Variants in ANK3 observed in about 807,000 individuals in gnomAD.
The protein encoded by ANK3 is ankyrin-3.
A neutral mutation model predicts 370.9 loss-of-function variants in ANK3; 57 were observed. That is an observed-to-expected ratio of 0.15 (90% CI 0.12 to 0.19). ANK3 has a LOEUF of 0.19. ANK3 is among the 10% of genes least tolerant of loss of function. ANK3 has a pLI of 1.00. For missense variants in ANK3, 4,439 were observed against 5,302.1 expected (o/e 0.84, Z 5.06); for synonymous variants, 1,929 against 1,946.3 (o/e 0.99, Z 0.23).
At chr10:60,305,933 T>C (rs1436239400) in intron 1 of ANK3, among the ~76,000 whole-genome samples, 2 of 152,216 alleles carry the variant, frequency 1.3e-5, no homozygotes, top group African/African-American at 4.8e-5. Flanking sequence ...ATTTTCCATC[T>C]CATTTGATGA....
chr10:60,499,815 A>G (rs1413769441), intron 2 of ANK3, among the ~76,000 whole-genome samples: 2 of 152,244 alleles, frequency 1.3e-5, no homozygotes, highest in Admixed American at 6.5e-5. Context: ...AGAGTGTTGT[A>G]TAATTTACTA....
chr10:60,354,543 C>T (rs1034109590), intron 1 of ANK3, among the ~76,000 whole-genome samples: 2 of 152,066 alleles, frequency 1.3e-5, no homozygotes, highest in African/African-American at 2.4e-5. Flanking sequence ...ATAACCAAAC[C>T]AGTGTTGTTT....
At chr10:60,395,596 CTT>C (rs1330591385) in intron 2 of ANK3, among the ~76,000 whole-genome samples, 1 of 123,858 alleles carries the variant, frequency 8.1e-6, no homozygotes, top group Non-Finnish European at 1.6e-5. Flanking sequence ...TTCTTTCTTT[CTT>C]TCTTTCTTTC....
At chr10:60,338,071 T>C (rs756956121) in intron 1 of ANK3, among the ~76,000 whole-genome samples, 7 of 152,318 alleles carry the variant, frequency 4.6e-5, no homozygotes, top group South Asian at 4.1e-4. Flanking sequence ...CTGAGAAAGA[T>C]GTACCTGTGT....
chr10:60,487,190 A>T (rs2075371502), intron 2 of ANK3, among the ~76,000 whole-genome samples: 1 of 152,248 alleles, frequency 6.6e-6, no homozygotes, highest in Non-Finnish European at 1.5e-5. Context: ...TCTGTATTTT[A>T]TTAATCCTGC....
intron 2 of ANK3, among the ~76,000 whole-genome samples, chr10:60,477,266 GA>G (rs754994536): frequency 6.6e-6 from 1 of 151,982 alleles, no homozygotes; most frequent in Non-Finnish European, 1.5e-5. Context: ...AGCGTAAGGG[GA>G]ATGGCCAATT....
At chr10:60,078,505 T>C (rs2084338019) in intron 36 of ANK3, among the ~76,000 whole-genome samples, 1 of 152,210 alleles carries the variant, frequency 6.6e-6, no homozygotes, top group African/African-American at 2.4e-5. Flanking sequence ...AAAGCATCTA[T>C]CCTTTACCAC....
intron 2 of ANK3, among the ~76,000 whole-genome samples, chr10:60,397,559 C>T (rs2063268069): frequency 6.6e-6 from 1 of 152,112 alleles, no homozygotes; most frequent in Non-Finnish European, 1.5e-5. Flanking sequence ...GTTGGGGAGA[C>T]AGTAACACAG....
intron 1 of ANK3, among the ~76,000 whole-genome samples, chr10:60,720,738 G>C (rs547663467): frequency 6.6e-6 from 1 of 152,210 alleles, no homozygotes; most frequent in African/African-American, 2.4e-5. Context: ...TCAGCCTCCT[G>C]AGTAGCAGGG....
At chr10:60,451,157 A>G (rs2064590719) in intron 2 of ANK3, among the ~76,000 whole-genome samples, 1 of 152,206 alleles carries the variant, frequency 6.6e-6, no homozygotes, top group African/African-American at 2.4e-5. Context: ...ATCCCCAGCC[A>G]CGCCGGAAGC....
At chr10:60,391,966 T>A (rs1243902373), upstream of ANK3, among the ~76,000 whole-genome samples, 1 of 152,222 alleles carries the variant, frequency 6.6e-6, no homozygotes, top group African/African-American at 2.4e-5. Flanking sequence ...CTTGCTCAGA[T>A]TACTTTTTTA....
At chr10:60,677,320 G>T (rs527696960) in intron 1 of ANK3, among the ~76,000 whole-genome samples, 1 of 152,208 alleles carries the variant, frequency 6.6e-6, no homozygotes, top group South Asian at 2.1e-4. Flanking sequence ...ACAAGAAAAA[G>T]AACTATATGT....
intron 2 of ANK3, among the ~76,000 whole-genome samples, chr10:60,580,731 A>G (rs1268810767): frequency 6.6e-6 from 1 of 152,246 alleles, no homozygotes; most frequent in African/African-American, 2.4e-5. Context: ...TTTGACTTAC[A>G]AACTAAAGAT....
At chr10:60,721,810 T>C (rs1214303649) in intron 1 of ANK3, among the ~76,000 whole-genome samples, 1 of 152,182 alleles carries the variant, frequency 6.6e-6, no homozygotes, top group Non-Finnish European at 1.5e-5. Flanking sequence ...ATTAGTTTAG[T>C]GGAGGTTCTG....
intron 18 of ANK3, among the ~76,000 whole-genome samples, chr10:60,175,552 G>A (rs2132322993): frequency 6.6e-6 from 1 of 152,316 alleles, no homozygotes; most frequent in South Asian, 2.1e-4. Flanking sequence ...AAGCTGATTA[G>A]GTTTTTCCTT....
Position 60,114,297 on chromosome 10 carries a change from G to A in ANK3, c.2876C>T (p.Ser959Phe), listed in dbSNP as rs763151936. The stretch of plus-strand genomic sequence containing the variant: ...TGCAGCCCAGCTGTAATGTCTAAGA[G>A]AATCTGAATCAAATTCCCTTGTGAA... ...LTFTREFDSDSLRHYSWAADT... is the reference protein window; with the variant it reads ...LTFTREFDSDFLRHYSWAADT... Residue 959 changes from serine (S) to phenylalanine (F), a missense_variant, in exon 26 of 44, where the codon TCT becomes TTT. Around this residue, in one of 13 missense-constraint regions of ANK3, gnomAD observed 702 missense variants for 941.5 expected, o/e 0.75. Transcript: ENST00000280772. The A allele has an allele frequency of 6.2e-7, 1 of 1,607,374 alleles. No individual in the cohort carries two copies. Among genetic ancestry groups the A allele is most frequent in the South Asian group, 1.1e-5 (1 of 89,948 alleles).
intron 1 of ANK3, among the ~76,000 whole-genome samples, chr10:60,291,209 T>C (rs1471363753): frequency 6.6e-6 from 1 of 152,148 alleles, no homozygotes; most frequent in Non-Finnish European, 1.5e-5. Flanking sequence ...GATCTGTGTT[T>C]GTCTCAAATT....
intron 1 of ANK3, among the ~76,000 whole-genome samples, chr10:60,365,922 T>C (rs1186039800): frequency 1.3e-5 from 2 of 152,146 alleles, no homozygotes; most frequent in Non-Finnish European, 2.9e-5. Context: ...AATAATAATA[T>C]GACAATAAAT....
chr10:60,455,062 A>T (rs1378213040), intron 2 of ANK3, among the ~76,000 whole-genome samples: 1 of 152,242 alleles, frequency 6.6e-6, no homozygotes, highest in African/African-American at 2.4e-5. Flanking sequence ...TTAAAGAAGC[A>T]TAACAACTTT....
Sources: gnomAD v4.1 joint callset for allele counts (sites outside exome capture counted in the v4.1 genomes callset) on GRCh38, gnomAD v4.1.1 for gene constraint, gnomAD v4.1.1 regional missense constraint, MANE v1.5 for transcripts, NCBI Gene and HGNC (gene_info 2026-07-23, HGNC 2026-07-21) for gene names.